CHSY1: variants seen among roughly 807,000 people sequenced by gnomAD.
CHSY1 encodes N-acetylgalactosaminyl-proteoglycan 3-beta-glucuronosyltransferase 1.
In CHSY1, 13 loss-of-function variants were observed where a neutral mutation model predicts 59.8. That is an observed-to-expected ratio of 0.22 (90% CI 0.14 to 0.35). The LOEUF is 0.35. CHSY1 is among the 10% of genes least tolerant of loss of function. CHSY1 has a pLI of 1.00. For missense variants in CHSY1, 947 were observed against 1,030.6 expected, an observed-to-expected ratio of 0.92 and a Z score of 1.11; for synonymous variants, 459 against 401.2, an observed-to-expected ratio of 1.14 and a Z score of -1.72.
In CHSY1 at chr15:101,177,232, C is replaced by T; in HGVS notation, c.*156G>A. The T allele has an allele frequency of 1.5e-6, 1 of 663,472 alleles. No homozygotes were observed. Among genetic ancestry groups the T allele is most frequent in the Non-Finnish European group, 2.5e-6 (1 of 402,280 alleles). The allele number at this position is 663,472 out of a possible 1,614,324, so 41.1% of individuals were successfully genotyped here. On this transcript the variant is annotated 3_prime_UTR_variant, in exon 3 of 3. Coordinates refer to ENST00000254190, the MANE Select transcript of CHSY1 (RefSeq NM_014918.5). ...GTGTTCAAAGGCAAACACTGATCAC[C>T]TTCTTGTTCAGAAAGCTCAATCTTA...
chr15:101,222,996 T>C (rs1397897409), intron 2 of CHSY1, among the ~76,000 whole-genome samples: 3 of 152,226 alleles, frequency 2.0e-5, no homozygotes, highest in Non-Finnish European at 2.9e-5. Flanking sequence ...ACAAATACTT[T>C]GTTAACTACT....
At chr15:101,241,427 C>T (rs1157307630) in intron 1 of CHSY1, among the ~76,000 whole-genome samples, 1 of 152,202 alleles carries the variant, frequency 6.6e-6, no homozygotes, top group African/African-American at 2.4e-5. Context: ...TCTAAGTTTT[C>T]TGCAACAGGT....
chr15:101,197,520 T>C (rs1425491538), intron 2 of CHSY1, among the ~76,000 whole-genome samples: 1 of 152,182 alleles, frequency 6.6e-6, no homozygotes, highest in Non-Finnish European at 1.5e-5. Context: ...TCCTTGTATC[T>C]ACGATTACAG....
intron 1 of CHSY1, among the ~76,000 whole-genome samples, chr15:101,249,599 C>T (rs1408287546): frequency 6.7e-5 from 10 of 149,548 alleles, no homozygotes; most frequent in African/African-American, 2.2e-4. Context: ...TTGCAACCTC[C>T]GCCTCCTGGG....
chr15:101,231,707 T>C (rs1331564460), intron 2 of CHSY1, among the ~76,000 whole-genome samples: 2 of 152,242 alleles, frequency 1.3e-5, no homozygotes, highest in Non-Finnish European at 2.9e-5. Flanking sequence ...CACTTTTCCA[T>C]ACGTACAGTA....
At chr15:101,220,646 T>A (rs577204820) in intron 2 of CHSY1, among the ~76,000 whole-genome samples, 1 of 152,312 alleles carries the variant, frequency 6.6e-6, no homozygotes, top group East Asian at 1.9e-4. Context: ...CCTCTGGAAA[T>A]GGAGGCTCGT....
chr15:101,221,077 C>T (rs758211150), intron 2 of CHSY1, among the ~76,000 whole-genome samples: 5 of 152,164 alleles, frequency 3.3e-5, no homozygotes, highest in Non-Finnish European at 7.3e-5. Flanking sequence ...TCCTTATTTT[C>T]GGACATCCCC....
At chr15:101,181,830 T>C (rs2038283671) in intron 2 of CHSY1, among the ~76,000 whole-genome samples, 1 of 152,226 alleles carries the variant, frequency 6.6e-6, no homozygotes, top group Admixed American at 6.5e-5. Flanking sequence ...AAAACCCATG[T>C]ATGAGTTTTG....
intron 1 of CHSY1, among the ~76,000 whole-genome samples, chr15:101,235,855 G>T (rs952029719): frequency 3.9e-5 from 6 of 152,118 alleles, no homozygotes; most frequent in Admixed American, 3.3e-4. Flanking sequence ...GGGGACCAAG[G>T]TCTGGGTATA....
chr15:101,206,503 C>T (rs2038628216), intron 2 of CHSY1, among the ~76,000 whole-genome samples: 1 of 152,128 alleles, frequency 6.6e-6, no homozygotes, highest in Non-Finnish European at 1.5e-5. Context: ...CAGATCACCA[C>T]CAAGATCCGT....
chr15:101,237,469 G>A (rs1290211548), intron 1 of CHSY1, among the ~76,000 whole-genome samples: 1 of 152,208 alleles, frequency 6.6e-6, no homozygotes, highest in South Asian at 2.1e-4. Flanking sequence ...GGGTTTAAGA[G>A]ACAACGGTTG....
At chr15:101,241,640 G>C (rs1336733376) in intron 1 of CHSY1, among the ~76,000 whole-genome samples, 1 of 152,146 alleles carries the variant, frequency 6.6e-6, no homozygotes, top group East Asian at 1.9e-4. Context: ...TATTCTACTA[G>C]TTACCATTAA....
chr15:101,215,369 G>A (rs113124674), intron 2 of CHSY1, among the ~76,000 whole-genome samples: 3,518 of 152,200 alleles, frequency 0.023, 97 homozygotes, highest in African/African-American at 0.061. Flanking sequence ...AAGATGAAGG[G>A]GTAGGATACA....
chr15:101,240,176 C>T (rs1187511024), intron 1 of CHSY1, among the ~76,000 whole-genome samples: 1 of 152,162 alleles, frequency 6.6e-6, no homozygotes. Flanking sequence ...TGTAAACCCT[C>T]CAATCTTAAG....
intron 1 of CHSY1, among the ~76,000 whole-genome samples, chr15:101,237,110 G>A (rs554007512): frequency 6.7e-6 from 1 of 150,282 alleles, no homozygotes; most frequent in East Asian, 2.0e-4. Context: ...TGTAATCCCA[G>A]CTACTCAGGA....
At chr15:101,180,930 G>A (rs1255217725) in intron 2 of CHSY1, among the ~76,000 whole-genome samples, 2 of 152,216 alleles carry the variant, frequency 1.3e-5, no homozygotes, top group Non-Finnish European at 2.9e-5. Flanking sequence ...AGGGCTACAA[G>A]GTGGCAAATG....
In CHSY1 at chr15:101,234,792, A is replaced by G. The variant is rs28706673; in HGVS notation, c.816+290T>C. On this transcript the variant is annotated intron_variant, in intron 2 of 2. Coordinates refer to ENST00000254190, the MANE Select transcript of CHSY1 (RefSeq NM_014918.5). The stretch of plus-strand genomic sequence containing the variant: ...TGAGGCAGGAGAATTGCTTGAACCC[A>G]GGAGGCGGAGGTTAAAGTGAGCCGA... Among the ~76,000 whole-genome samples, 1,227 of 152,262 alleles carry G rather than the reference A, an allele frequency of 8.1e-3. 18 individuals are homozygous for G. Among genetic ancestry groups the G allele is most frequent in the African/African-American group, 0.028 (1,150 of 41,560 alleles).
intron 2 of CHSY1, among the ~76,000 whole-genome samples, chr15:101,196,301 A>C (rs148829687): frequency 6.6e-6 from 1 of 152,028 alleles, no homozygotes; most frequent in Non-Finnish European, 1.5e-5. Flanking sequence ...CATGAGATCC[A>C]TAAGTATAAA....
intron 2 of CHSY1, among the ~76,000 whole-genome samples, chr15:101,208,336 G>GAAA (rs1340004807): frequency 1.3e-5 from 2 of 152,122 alleles, no homozygotes; most frequent in African/African-American, 2.4e-5. Context: ...AGACTGCAAG[G>GAAA]CTAGGGCAGG....
Sources: gnomAD v4.1 joint callset for allele counts (sites outside exome capture counted in the v4.1 genomes callset) on GRCh38, gnomAD v4.1.1 for gene constraint, MANE v1.5 for transcripts, NCBI Gene and HGNC (gene_info 2026-07-23, HGNC 2026-07-21) for gene names.